Variants in ADAMTS3 observed in about 807,000 individuals in gnomAD.
ADAMTS3 encodes ADAM metallopeptidase with thrombospondin type 1 motif 3.
ADAMTS3 carries 73 observed loss-of-function variants against 129.0 expected under a neutral mutation model. That is an observed-to-expected ratio of 0.57 (90% CI 0.47 to 0.69). The LOEUF (loss-of-function observed/expected upper bound fraction) is 0.69. Ranked by LOEUF, ADAMTS3 falls within the 30% of genes least tolerant of loss-of-function variation. The probability of loss-of-function intolerance (pLI) is 0.00; values close to 1 mark genes in which losing one functional copy is unlikely to be tolerated. For synonymous variants in ADAMTS3, 477 were observed against 510.8 expected, an observed-to-expected ratio of 0.93 and a Z score of 0.89; for missense variants, 1,457 against 1,514.5, an observed-to-expected ratio of 0.96 and a Z score of 0.63.
At chr4:72,389,281 A>G (rs990113586) in intron 4 of ADAMTS3, among the ~76,000 whole-genome samples, 1 of 152,198 alleles carries the variant, frequency 6.6e-6, no homozygotes, top group Non-Finnish European at 1.5e-5. Context: ...ATCCAGCAAA[A>G]ATAAAAAAGA....
intron 4 of ADAMTS3, among the ~76,000 whole-genome samples, chr4:72,397,384 G>T (rs892702098): frequency 6.6e-6 from 1 of 151,996 alleles, no homozygotes; most frequent in Non-Finnish European, 1.5e-5. Flanking sequence ...GGCCAACATG[G>T]TGAAACCTGT....
At chr4:72,471,829 G>A (rs1719082400) in intron 3 of ADAMTS3, among the ~76,000 whole-genome samples, 2 of 151,878 alleles carry the variant, frequency 1.3e-5, no homozygotes, top group East Asian at 3.9e-4. Flanking sequence ...TTTTCATTAT[G>A]GTAAATGTAG....
intron 4 of ADAMTS3, among the ~76,000 whole-genome samples, chr4:72,379,869 C>T (rs1289173153): frequency 1.3e-5 from 2 of 152,082 alleles, no homozygotes; most frequent in Non-Finnish European, 2.9e-5. Context: ...ATTATTACTA[C>T]TATGAAGACT....
chr4:72,361,479 T>C (rs1264460705), intron 4 of ADAMTS3, among the ~76,000 whole-genome samples: 1 of 152,158 alleles, frequency 6.6e-6, no homozygotes, highest in African/African-American at 2.4e-5. Flanking sequence ...GAGGGTCTTC[T>C]GGTAACAAGA....
At chr4:72,367,469 G>A (rs1240505282) in intron 4 of ADAMTS3, among the ~76,000 whole-genome samples, 1 of 151,910 alleles carries the variant, frequency 6.6e-6, no homozygotes, top group African/African-American at 2.4e-5. Flanking sequence ...TATGTAACAC[G>A]TACATATATA....
intron 2 of ADAMTS3, among the ~76,000 whole-genome samples, chr4:72,557,647 T>G (rs1721801732): frequency 6.6e-6 from 1 of 151,870 alleles, no homozygotes; most frequent in Admixed American, 6.5e-5. Context: ...TCTGGCTTAT[T>G]AATAAATATT....
chr4:72,548,971 A>G, intron 2 of ADAMTS3, 87 bp from the exon 3 acceptor site: 1 of 1,224,582 alleles, frequency 8.2e-7, no homozygotes, highest in East Asian at 2.4e-5. Flanking sequence ...CCCACCTCAC[A>G]AGACCATACT....
intron 3 of ADAMTS3, among the ~76,000 whole-genome samples, chr4:72,434,261 A>G (rs1456408116): frequency 1.3e-5 from 2 of 151,890 alleles, no homozygotes; most frequent in Admixed American, 6.6e-5. Context: ...ACAAATACGT[A>G]GCCCATTTAA....
chr4:72,298,526 C>T, intron 17 of ADAMTS3, 84 bp from the exon 18 acceptor site: 9 of 1,104,042 alleles, frequency 8.2e-6, no homozygotes, highest in Non-Finnish European at 1.1e-5. Context: ...CAGAATATTG[C>T]TCTTATTAAA....
In ADAMTS3 at chr4:72,290,943, T is replaced by C. The variant is rs941654478; in HGVS notation, c.2843A>G (p.Lys948Arg). Residue 948 changes from lysine (K) to arginine (R), a missense_variant, in exon 20 of 22, where the codon AAA becomes AGA. Physicochemically the swap from Lys to Arg is conservative, Grantham distance 26 (BLOSUM62 2). Coordinates refer to ENST00000286657, the MANE Select transcript of ADAMTS3 (RefSeq NM_014243.3). ...LDGTNRSVHSKYCMGDRPESR... is the reference protein window; with the variant it reads ...LDGTNRSVHSRYCMGDRPESR... The stretch of plus-strand genomic sequence containing the variant: ...CTCGGGACGGTCACCCATGCAGTAT[T>C]TGCTGTGCACAGAGCGGTTGGTGCC... The C allele has an allele frequency of 6.8e-6, 11 of 1,613,962 alleles. No individual in the cohort carries two copies. Among genetic ancestry groups the C allele is most frequent in the African/African-American group, 1.3e-5 (1 of 74,926 alleles).
chr4:72,451,905 A>G (rs1718416987), intron 3 of ADAMTS3, among the ~76,000 whole-genome samples: 1 of 151,666 alleles, frequency 6.6e-6, no homozygotes, highest in Non-Finnish European at 1.5e-5. Flanking sequence ...AAGAGCAACC[A>G]AAGCAACATA....
At chr4:72,370,312 A>AATAT (rs1015859783) in intron 4 of ADAMTS3, among the ~76,000 whole-genome samples, 2 of 152,138 alleles carry the variant, frequency 1.3e-5, no homozygotes, top group Non-Finnish European at 2.9e-5. Flanking sequence ...GGTGAGTGTA[A>AATAT]ATATATATAT....
At chr4:72,545,013 T>C (rs1721429435) in intron 3 of ADAMTS3, among the ~76,000 whole-genome samples, 2 of 152,100 alleles carry the variant, frequency 1.3e-5, no homozygotes, top group South Asian at 2.1e-4. Flanking sequence ...TAATAATAAA[T>C]AAACATGAAT....
chr4:72,531,095 G>A (rs192240763), intron 3 of ADAMTS3, among the ~76,000 whole-genome samples: 189 of 151,872 alleles, frequency 1.2e-3, no homozygotes, highest in African/African-American at 4.2e-3. Context: ...CCAGTCAGGA[G>A]GTCATTGTCA....
At chr4:72,376,779 A>G (rs1288375250) in intron 4 of ADAMTS3, among the ~76,000 whole-genome samples, 1 of 152,184 alleles carries the variant, frequency 6.6e-6, no homozygotes, top group Non-Finnish European at 1.5e-5. Context: ...GAATAAAATC[A>G]GTATACACTT....
chr4:72,517,318 C>T (rs1720516158), intron 3 of ADAMTS3, among the ~76,000 whole-genome samples: 1 of 152,130 alleles, frequency 6.6e-6, no homozygotes, highest in African/African-American at 2.4e-5. Flanking sequence ...GTGTCTCTGC[C>T]AGGCTTTGGT....
chr4:72,337,226 T>C (rs1349651209), intron 5 of ADAMTS3, among the ~76,000 whole-genome samples: 2 of 152,194 alleles, frequency 1.3e-5, no homozygotes, highest in Non-Finnish European at 2.9e-5. Flanking sequence ...TCTGATACTC[T>C]ATTTACTTTA....
intron 2 of ADAMTS3, among the ~76,000 whole-genome samples, chr4:72,549,232 A>G (rs1016691716): frequency 6.6e-6 from 1 of 152,192 alleles, no homozygotes; most frequent in East Asian, 1.9e-4. Flanking sequence ...TATTATTGGC[A>G]TAACTGACAT....
intron 3 of ADAMTS3, among the ~76,000 whole-genome samples, chr4:72,488,905 G>C (rs1719660446): frequency 6.6e-6 from 1 of 151,828 alleles, no homozygotes; most frequent in African/African-American, 2.4e-5. Context: ...TAACTATAAA[G>C]TTTGTATGCT....
Sources: gnomAD v4.1 joint callset for allele counts (sites outside exome capture counted in the v4.1 genomes callset) on GRCh38, gnomAD v4.1.1 for gene constraint, MANE v1.5 for transcripts, NCBI Gene and HGNC (gene_info 2026-07-23, HGNC 2026-07-21) for gene names.